Variants in PRKCA observed in about 807,000 individuals in gnomAD.
PRKCA encodes the protein protein kinase C alpha, also known as protein kinase C alpha type.
A neutral mutation model predicts 87.0 loss-of-function variants in PRKCA; 27 were observed. The observed-to-expected ratio is 0.31, with a 90% CI of 0.23 to 0.43. The LOEUF is 0.43. Ranked by LOEUF, PRKCA falls within the 20% of genes least tolerant of loss-of-function variation. The pLI is 1.00. For synonymous variants in PRKCA, 329 were observed against 311.1 expected (o/e 1.06, Z -0.61); for missense variants, 518 against 852.3 (o/e 0.61, Z 4.88).
At chr17:66,722,966 A>G (rs57301153) in intron 8 of PRKCA, among the ~76,000 whole-genome samples, 9,176 of 152,200 alleles carry the variant, frequency 0.06, 450 homozygotes, top group African/African-American at 0.13. Flanking sequence ...GTCTTTTCCT[A>G]CTGCAGTCTT....
At chr17:66,506,069 G>T (rs1916962482) in intron 3 of PRKCA, among the ~76,000 whole-genome samples, 1 of 152,166 alleles carries the variant, frequency 6.6e-6, no homozygotes, top group South Asian at 2.1e-4. Flanking sequence ...GTCAAGGCAG[G>T]TGGATCACCT....
chr17:66,344,800 C>T (rs1311691701), intron 2 of PRKCA, among the ~76,000 whole-genome samples: 1 of 152,202 alleles, frequency 6.6e-6, no homozygotes, highest in Non-Finnish European at 1.5e-5. Flanking sequence ...GAGTCCCACT[C>T]TGTCACCCAG....
chr17:66,441,333 C>T lies in PRKCA; in HGVS notation c.206-54868C>T, dbSNP rs189769892. Among the ~76,000 whole-genome samples the T allele has an allele frequency of 6.0e-5, 9 of 149,798 alleles. No individual in the cohort carries two copies. In the East Asian group the frequency reaches 1.8e-3, roughly 29 times the overall value. On this transcript the variant is annotated intron_variant, in intron 2 of 16. Transcript: ENST00000413366. ...CATTCCAGCTTGGACGACAGAACAA[C>T]GCCCTGTTTCCAAAAAAAAAAAAAG...
chr17:66,473,826 C>T (rs1427443036), intron 2 of PRKCA, among the ~76,000 whole-genome samples: 5 of 152,022 alleles, frequency 3.3e-5, no homozygotes, highest in Non-Finnish European at 4.4e-5. Context: ...CCTAGCTACT[C>T]GGGAGGCTGA....
intron 8 of PRKCA, among the ~76,000 whole-genome samples, chr17:66,711,385 C>T (rs1217578608): frequency 1.3e-5 from 2 of 152,190 alleles, no homozygotes; most frequent in East Asian, 3.9e-4. Flanking sequence ...TAATGCCTGA[C>T]TTAATCCTTC....
intron 2 of PRKCA, among the ~76,000 whole-genome samples, chr17:66,359,911 A>G (rs1908288730): frequency 6.6e-6 from 1 of 152,188 alleles, no homozygotes; most frequent in African/African-American, 2.4e-5. Flanking sequence ...GCCTCTGACT[A>G]TTTAACCTCC....
chr17:66,472,610 A>T (rs1159645634), intron 2 of PRKCA, among the ~76,000 whole-genome samples: 4 of 152,212 alleles, frequency 2.6e-5, no homozygotes, highest in Non-Finnish European at 5.9e-5. Flanking sequence ...AGCAGAGTTG[A>T]TGTGAAGTCA....
chr17:66,492,621 C>T (rs1437770209), intron 2 of PRKCA, among the ~76,000 whole-genome samples: 2 of 152,108 alleles, frequency 1.3e-5, no homozygotes, highest in Admixed American at 6.5e-5. Context: ...GAAGTAATGC[C>T]CCTGTAACCT....
chr17:66,716,203 A>G (rs1283904753), intron 8 of PRKCA, among the ~76,000 whole-genome samples: 2 of 151,770 alleles, frequency 1.3e-5, no homozygotes, highest in Non-Finnish European at 2.9e-5. Context: ...CATGTTGCTG[A>G]CAGTCTGAAA....
At chr17:66,653,241 C>A (rs974521398) in intron 5 of PRKCA, among the ~76,000 whole-genome samples, 2 of 152,150 alleles carry the variant, frequency 1.3e-5, no homozygotes, top group Non-Finnish European at 2.9e-5. Flanking sequence ...ATAGCTCAGG[C>A]AGAAAAGAAA....
At chr17:66,777,245 A>G (rs921305544) in intron 14 of PRKCA, 5 of 985,272 alleles carry the variant, frequency 5.1e-6, no homozygotes, top group Non-Finnish European at 6.0e-6. Flanking sequence ...CTTTGCCTCT[A>G]GGATGGGAGG....
At chr17:66,641,327 A>C (rs1971291504) in intron 3 of PRKCA, 28 bp from the exon 4 acceptor site, 2 of 1,554,594 alleles carry the variant, frequency 1.3e-6, no homozygotes, top group African/African-American at 2.7e-5. Flanking sequence ...CATGACTAAA[A>C]TGAGCATTGT....
chr17:66,580,536 A>G (rs1448772365), intron 3 of PRKCA, among the ~76,000 whole-genome samples: 1 of 152,210 alleles, frequency 6.6e-6, no homozygotes, highest in Non-Finnish European at 1.5e-5. Flanking sequence ...GGTTCCACGC[A>G]TTCTTAGCAT....
intron 3 of PRKCA, among the ~76,000 whole-genome samples, chr17:66,561,898 AGGAG>A (rs1253526509): frequency 6.6e-6 from 1 of 151,834 alleles, no homozygotes; most frequent in African/African-American, 2.4e-5. Context: ...GCTACAGGGA[AGGAG>A]GAATGTTAAT....
intron 3 of PRKCA, among the ~76,000 whole-genome samples, chr17:66,516,563 G>A (rs1268921413): frequency 6.6e-6 from 1 of 151,978 alleles, no homozygotes; most frequent in East Asian, 1.9e-4. Context: ...AACCTGGGAG[G>A]CAGAGGTTGC....
intron 15 of PRKCA, among the ~76,000 whole-genome samples, chr17:66,788,354 A>ATTTTTTTTC (rs1975451075): frequency 2.6e-5 from 4 of 152,182 alleles, no homozygotes; most frequent in African/African-American, 9.7e-5. Context: ...CTTCCTTGTT[A>ATTTTTTTTC]TAGCATTTAT....
intron 3 of PRKCA, among the ~76,000 whole-genome samples, chr17:66,545,410 C>A (rs1010761848): frequency 6.6e-5 from 10 of 152,178 alleles, no homozygotes; most frequent in African/African-American, 2.4e-4. Context: ...GCCTGGGCGA[C>A]AGAGCGAGAC....
At chr17:66,458,771 G>A (rs913932652) in intron 2 of PRKCA, among the ~76,000 whole-genome samples, 76 of 152,126 alleles carry the variant, frequency 5.0e-4, no homozygotes, top group African/African-American at 1.8e-3. Context: ...GTGAGCCACC[G>A]TGCCCTGCCC....
At chr17:66,709,980 G>A (rs1253347737) in intron 8 of PRKCA, among the ~76,000 whole-genome samples, 1 of 152,064 alleles carries the variant, frequency 6.6e-6, no homozygotes, top group East Asian at 1.9e-4. Flanking sequence ...TACCTCAAAC[G>A]AGTCGATTCG....
Sources: allele counts gnomAD v4.1 joint callset (sites outside exome capture counted in the v4.1 genomes callset), GRCh38; gene constraint gnomAD v4.1.1; transcripts MANE v1.5; gene names NCBI Gene and HGNC (gene_info 2026-07-23, HGNC 2026-07-21).